Variants in ATP6V1B2 observed in about 807,000 individuals in gnomAD.
ATP6V1B2 encodes V-type proton ATPase subunit B, brain isoform.
In ATP6V1B2, 23 loss-of-function variants were observed where a neutral mutation model predicts 66.7. The observed-to-expected ratio is 0.34, with a 90% CI of 0.25 to 0.49. The LOEUF (loss-of-function observed/expected upper bound fraction) is 0.49, where lower values mean the gene tolerates loss of function less well. Ranked by LOEUF, ATP6V1B2 falls within the 20% of genes least tolerant of loss-of-function variation. The probability of loss-of-function intolerance (pLI) is 0.99; values close to 1 mark genes in which losing one functional copy is unlikely to be tolerated. For missense variants in ATP6V1B2, 478 were observed against 650.8 expected (o/e 0.73, Z 2.89); for synonymous variants, 278 against 236.7 (o/e 1.17, Z -1.60).
At chr8:20,203,353 G>T (rs1461551580) in intron 1 of ATP6V1B2, among the ~76,000 whole-genome samples, 1 of 152,182 alleles carries the variant, frequency 6.6e-6, no homozygotes, top group Non-Finnish European at 1.5e-5. Context: ...TTTTACCAGG[G>T]CTCTGGCTTC....
chr8:20,209,792 C>T (rs1351755609), intron 3 of ATP6V1B2, among the ~76,000 whole-genome samples: 2 of 152,124 alleles, frequency 1.3e-5, no homozygotes, highest in Non-Finnish European at 2.9e-5. Context: ...GCAGAATTCA[C>T]TGATGATGTG....
chr8:20,197,490 T>A lies in ATP6V1B2; in HGVS notation c.84T>A (p.Ala28=). ...CCACCGGTGGGCCGGCGGTGGGAGC[T>A]CGGGAGCAGGCGCTGGCAGTCAGTC... ...PVPTGGPAVG[A]REQALAVSRN... The change falls in exon 1 of 14, where the codon GCT becomes GCA. Residue 28 remains alanine (A), a synonymous_variant. Coordinates refer to ENST00000276390, the MANE Select transcript of ATP6V1B2 (RefSeq NM_001693.4). 6.6e-7 allele frequency: 1 copy of A among 1,505,328 alleles called. No individual in the cohort carries two copies. The allele number at this position is 1,505,328 out of a possible 1,614,324, so 93.2% of individuals were successfully genotyped here. A position where few individuals can be genotyped will look rare whatever the true frequency, so the allele number is the denominator to read the frequency against.
chr8:20,213,571 G>A (rs939256412), intron 9 of ATP6V1B2: 1 of 152,634 alleles, frequency 6.6e-6, no homozygotes, highest in Non-Finnish European at 1.5e-5. Context: ...AGGATAGCTT[G>A]AGTCCAGTAA....
At chr8:20,218,790 C>T (rs2072880124) in intron 13 of ATP6V1B2, among the ~76,000 whole-genome samples, 1 of 151,952 alleles carries the variant, frequency 6.6e-6, no homozygotes, top group African/African-American at 2.4e-5. Flanking sequence ...TGGACCTTTA[C>T]CCACTGTCCA....
chr8:20,204,565 A>T, intron 2 of ATP6V1B2, 26 bp downstream of exon 2: 1 of 1,582,174 alleles, frequency 6.3e-7, no homozygotes, highest in Non-Finnish European at 8.6e-7. Context: ...GTTTTGGTCT[A>T]TTTATGTAGT....
At chr8:20,200,789 C>G (rs1275508248) in intron 1 of ATP6V1B2, among the ~76,000 whole-genome samples, 1 of 152,202 alleles carries the variant, frequency 6.6e-6, no homozygotes, top group Non-Finnish European at 1.5e-5. Context: ...AAATAGGAAT[C>G]TTCTCCTTGC....
intron 8 of ATP6V1B2, among the ~76,000 whole-genome samples, chr8:20,212,501 A>G (rs1366919837): frequency 1.3e-5 from 2 of 152,090 alleles, no homozygotes; most frequent in Non-Finnish European, 2.9e-5. Context: ...TTTTCCTCCT[A>G]CCTCAAAAAT....
At chr8:20,210,905 A>G (rs1341362769) in intron 5 of ATP6V1B2, among the ~76,000 whole-genome samples, 1 of 152,194 alleles carries the variant, frequency 6.6e-6, no homozygotes, top group African/African-American at 2.4e-5. Context: ...ATTTGAAATT[A>G]GGACTTCTCT....
intron 1 of ATP6V1B2, among the ~76,000 whole-genome samples, chr8:20,203,588 A>G (rs1008658650): frequency 2.0e-5 from 3 of 152,084 alleles, no homozygotes; most frequent in African/African-American, 4.8e-5. Context: ...TTTCTTCAAA[A>G]CTTTAGTTCA....
At chr8:20,205,001 T>C (rs752478553) in intron 2 of ATP6V1B2, among the ~76,000 whole-genome samples, 27 of 152,206 alleles carry the variant, frequency 1.8e-4, no homozygotes, top group Non-Finnish European at 3.1e-4. Flanking sequence ...CTGTAGAAAC[T>C]AATCTCAAGA....
intron 1 of ATP6V1B2, chr8:20,203,930 C>T (rs1464727064): frequency 2.2e-6 from 1 of 451,924 alleles, no homozygotes; most frequent in East Asian, 7.0e-5. Flanking sequence ...TTTTATGACA[C>T]CATTTAATTG....
intron 13 of ATP6V1B2, among the ~76,000 whole-genome samples, chr8:20,219,639 A>G (rs1321914655): frequency 6.6e-6 from 1 of 152,212 alleles, no homozygotes; most frequent in Non-Finnish European, 1.5e-5. Context: ...AATTTTTTTA[A>G]TGCAGAACCT....
chr8:20,213,251 T>C lies in ATP6V1B2; in HGVS notation c.927+346T>C, dbSNP rs1296082153. 6 of 266,970 alleles carry C rather than the reference T, an allele frequency of 2.2e-5. No individual in the cohort carries two copies. The Admixed American group carries it at 2.7e-4, about 12-fold the overall frequency. The allele number at this position is 266,970 out of a possible 1,614,324, so 16.5% of individuals were successfully genotyped here. A position where few individuals can be genotyped will look rare whatever the true frequency, so the allele number is the denominator to read the frequency against. On this transcript the variant is annotated intron_variant, in intron 9 of 13. Transcript: ENST00000276390. ...ATTAATTTTTAAACCTTTTTGTAAT[T>C]CCATTTTTAATGATGTTAATATTTT...
At chr8:20,211,085 T>G (rs977381778) in intron 5 of ATP6V1B2, 92 bp from the exon 6 acceptor site, 8 of 1,511,594 alleles carry the variant, frequency 5.3e-6, no homozygotes, top group Non-Finnish European at 1.8e-6. Flanking sequence ...CTTCTGGTGC[T>G]TTTTCTTTTC....
chr8:20,198,159 C>T (rs1253830205), intron 1 of ATP6V1B2, among the ~76,000 whole-genome samples: 43 of 152,218 alleles, frequency 2.8e-4, no homozygotes, highest in Non-Finnish European at 6.2e-4. Context: ...CAGTCCAACC[C>T]TATCATTTTA....
intron 11 of ATP6V1B2, 98 bp downstream of exon 11, chr8:20,216,593 A>T (rs568309908): frequency 9.1e-7 from 1 of 1,103,434 alleles, no homozygotes; most frequent in East Asian, 2.5e-5. Context: ...TTGCTTAGAA[A>T]GTATCAACTT....
At chr8:20,216,209 A>G (rs1247851942) in intron 10 of ATP6V1B2, 3 of 386,194 alleles carry the variant, frequency 7.8e-6, no homozygotes, top group Non-Finnish European at 1.4e-5. Flanking sequence ...TTAGATAGCC[A>G]CATTTGGCTA....
chr8:20,214,365 A>G (rs1485672515), intron 9 of ATP6V1B2: 2 of 152,548 alleles, frequency 1.3e-5, no homozygotes, highest in Non-Finnish European at 2.9e-5. Context: ...TGCTGTGAGG[A>G]TTAAGTTAAA....
rs1401488224 is a variant in ATP6V1B2, at chr8:20,210,552, T to G, written c.386-17T>G. 3.1e-6 allele frequency: 5 copies of G among 1,613,116 alleles called. No homozygotes were observed. The Admixed American group carries it at 5.0e-5, about 16-fold the overall frequency. On this transcript the variant is annotated splice_polypyrimidine_tract_variant and intron_variant, in intron 4 of 13. Coordinates refer to ENST00000276390, the MANE Select transcript of ATP6V1B2 (RefSeq NM_001693.4). ...AAGTCAGCATCTACTCTGTCCTGTCTTCTTACTGATTTCTAGGTCGGGTAT... is the reference window on the plus strand; with the variant it reads ...AAGTCAGCATCTACTCTGTCCTGTCGTCTTACTGATTTCTAGGTCGGGTAT...
Sources: allele counts gnomAD v4.1 joint callset (sites outside exome capture counted in the v4.1 genomes callset), GRCh38; gene constraint gnomAD v4.1.1; transcripts MANE v1.5; gene names NCBI Gene and HGNC (gene_info 2026-07-23, HGNC 2026-07-21).